Variants in INPP5D observed in about 807,000 individuals in gnomAD.
INPP5D encodes the protein inositol polyphosphate-5-phosphatase D, also known as phosphatidylinositol 3,4,5-trisphosphate 5-phosphatase 1.
Under a neutral mutation model 122.9 loss-of-function variants are expected in INPP5D, and 33 were observed. The observed-to-expected ratio is 0.27, with a 90% CI of 0.20 to 0.36. INPP5D has a LOEUF of 0.36. Among genes scored for constraint, INPP5D ranks in the 10% least tolerant of loss-of-function variants. The pLI, the probability that INPP5D is intolerant of heterozygous loss-of-function variation, is 1.00. For synonymous variants in INPP5D, 584 were observed against 576.2 expected (o/e 1.01, Z -0.19); for missense variants, 1,053 against 1,412.7 (o/e 0.75, Z 4.08).
intron 18 of INPP5D, among the ~76,000 whole-genome samples, chr2:233,178,459 A>ATTTATTTATTTAT (rs1694701432): frequency 6.9e-6 from 1 of 145,336 alleles, no homozygotes; most frequent in African/African-American, 2.6e-5. Context: ...GTGGTATTTT[A>ATTTATTTATTTAT]TTATTTATTT....
At chr2:233,131,021 C>A in intron 5 of INPP5D, 1 of 216,578 alleles carries the variant, frequency 4.6e-6, no homozygotes, top group Non-Finnish European at 7.9e-6. Context: ...CACAGAAAGG[C>A]ATCAAAAGGA....
Position 233,177,318 on chromosome 2 carries a change from C to G in INPP5D, c.2043C>G (p.Pro681=), listed in dbSNP as rs1694664062. The G allele has an allele frequency of 1.2e-6, 2 of 1,613,732 alleles. No individual in the cohort carries two copies. The highest frequency in any genetic ancestry group is 1.1e-5 in the South Asian group (1 of 91,088). ...WCDRVLWKSY[P]LVHVVCQSYG... Reference sequence around the variant, plus strand: ...ACCGAGTCCTCTGGAAGTCTTATCCCCTGGTGCACGTGGTGTGTCAGTCTT... The same window carrying G: ...ACCGAGTCCTCTGGAAGTCTTATCCGCTGGTGCACGTGGTGTGTCAGTCTT... The change falls in exon 18 of 27, where the codon CCC becomes CCG. Residue 681 remains proline (P), a synonymous_variant. Coordinates refer to ENST00000445964, the MANE Select transcript of INPP5D (RefSeq NM_001017915.3). The surrounding 1 kb of genome is among the most constrained non-coding windows in gnomAD (Gnocchi z 4.2).
At chr2:233,119,129 A>C (rs543268952) in intron 2 of INPP5D, among the ~76,000 whole-genome samples, 23 of 152,320 alleles carry the variant, frequency 1.5e-4, no homozygotes, top group Non-Finnish European at 2.6e-4. Context: ...GCATAAAATA[A>C]CGTGTCTTAC....
intron 20 of INPP5D, among the ~76,000 whole-genome samples, chr2:233,185,291 C>G (rs1162185384): frequency 6.6e-6 from 1 of 152,024 alleles, no homozygotes; most frequent in Non-Finnish European, 1.5e-5. Flanking sequence ...CCTTCTCCAA[C>G]TGAGGTGGGC....
rs36042957 is a variant in INPP5D at position 233,077,661 on chromosome 2, C to CA, written c.135-1649dup. On this transcript the variant is annotated intron_variant, in intron 1 of 26. Coordinates refer to ENST00000445964, the MANE Select transcript of INPP5D (RefSeq NM_001017915.3). ...GGGCAACAAGAGCAAAACTCTGTCT[C>CA]AAAAAAAAAAAAAAAAAAAAAAAAA... Among the ~76,000 whole-genome samples, 114 of 46,432 alleles carry CA rather than the reference C, an allele frequency of 2.5e-3. 2 individuals are homozygous for CA. Among genetic ancestry groups the CA allele is most frequent in the African/African-American group, 5.1e-3 (61 of 11,882 alleles). 30.5% of individuals were successfully genotyped at this position (46,432 alleles called of 152,430 possible).
At chr2:233,079,546 G>T in intron 2 of INPP5D, 148 bp downstream of exon 2, 1 of 644,738 alleles carries the variant, frequency 1.6e-6, no homozygotes, top group Non-Finnish European at 2.8e-6. Context: ...GTGTCCATGG[G>T]GTGGCTTAGC....
At chr2:233,184,323 C>T (rs1317093639) in intron 19 of INPP5D, 85 bp from the exon 20 acceptor site, 4 of 1,521,002 alleles carry the variant, frequency 2.6e-6, no homozygotes, top group Non-Finnish European at 3.5e-6. Context: ...TGAGAAGGAG[C>T]TCAGTATGTG....
chr2:233,065,474 A>ATT lies in INPP5D; in HGVS notation c.134+4871_134+4872dup, dbSNP rs61637964. On this transcript the variant is annotated intron_variant, in intron 1 of 26. Coordinates refer to ENST00000445964, the MANE Select transcript of INPP5D (RefSeq NM_001017915.3). The stretch of plus-strand genomic sequence containing the variant: ...AGGTGCCTGCCACCACACCGGGCTA[A>ATT]TTTTTTTTTTGTGTTATCCTCAGGT... 4.4e-4 allele frequency among the ~76,000 whole-genome samples: 45 copies of ATT among 103,426 alleles called. 1 individual carries two copies. Among genetic ancestry groups the ATT allele is most frequent in the African/African-American group, 8.8e-4 (25 of 28,420 alleles). The allele number at this position is 103,426 out of a possible 152,430, so 67.9% of individuals were successfully genotyped here. A position where few individuals can be genotyped will look rare whatever the true frequency, so the allele number is the denominator to read the frequency against.
chr2:233,153,459 C>G (rs2106285825), intron 9 of INPP5D, among the ~76,000 whole-genome samples: 2 of 152,166 alleles, frequency 1.3e-5, no homozygotes, highest in South Asian at 4.2e-4. Context: ...AATGGGAGAG[C>G]AACAATATTC....
At chr2:233,200,456 T>G (rs920059586) in intron 25 of INPP5D, among the ~76,000 whole-genome samples, 5 of 152,232 alleles carry the variant, frequency 3.3e-5, no homozygotes, top group African/African-American at 1.2e-4. Flanking sequence ...CCTCTCTTCC[T>G]CTAACACTGG....
chr2:233,175,298 A>C (rs993873558), intron 17 of INPP5D, among the ~76,000 whole-genome samples: 3 of 151,780 alleles, frequency 2.0e-5, no homozygotes, highest in Non-Finnish European at 4.4e-5. Context: ...CCCTATGTCC[A>C]TTAACAGTAG....
In INPP5D at chr2:233,169,426, A is replaced by G. The variant is rs1382216883; in HGVS notation, c.1652+25A>G. On this transcript the variant is annotated intron_variant, in intron 14 of 26. Transcript: ENST00000445964. ...GGTAATGGAACTCCTTCCCCCCAAGAGTGTGCATTTGGGCTGTCTGCCCAG... is the reference window on the plus strand; with the variant it reads ...GGTAATGGAACTCCTTCCCCCCAAGGGTGTGCATTTGGGCTGTCTGCCCAG... The G allele has an allele frequency of 7.0e-6, 11 of 1,569,102 alleles. No individual in the cohort carries two copies. The South Asian group carries it at 1.3e-4, about 18-fold the overall frequency.
At chr2:233,143,746 T>A (rs2106276080) in intron 6 of INPP5D, among the ~76,000 whole-genome samples, 1 of 152,258 alleles carries the variant, frequency 6.6e-6, no homozygotes, top group East Asian at 1.9e-4. Context: ...TGGTGTGGTG[T>A]CTAAGGGTGG....
At chr2:233,116,445 C>T (rs56152518) in intron 2 of INPP5D, among the ~76,000 whole-genome samples, 81 of 151,764 alleles carry the variant, frequency 5.3e-4, no homozygotes, top group Non-Finnish European at 9.1e-4. Context: ...TGCACCACTA[C>T]GTTTGGCTAA....
At chr2:233,111,726 G>C (rs1287996985) in intron 2 of INPP5D, among the ~76,000 whole-genome samples, 1 of 152,184 alleles carries the variant, frequency 6.6e-6, no homozygotes, top group Non-Finnish European at 1.5e-5. Flanking sequence ...GTGGCTGCCA[G>C]GTTACAATAA....
At chr2:233,144,506 ATGGTGG>A (rs1447059342) in intron 6 of INPP5D, among the ~76,000 whole-genome samples, 3 of 85,614 alleles carry the variant, frequency 3.5e-5, no homozygotes, top group Non-Finnish European at 7.2e-5. Flanking sequence ...AGGGGTGGAG[ATGGTGG>A]TGGTGATGGT....
chr2:233,171,164 T>C lies in INPP5D; in HGVS notation c.1989+12T>C. 6.2e-7 allele frequency: 1 copy of C among 1,613,234 alleles called. No individual in the cohort carries two copies. Among genetic ancestry groups the C allele is most frequent in the South Asian group, 1.1e-5 (1 of 90,978 alleles). ...AGAAAGCGACAGGGGTGAGTCCTCTTCATAGACACCTTCCCTGCCCTCCAT... is the reference window on the plus strand; with the variant it reads ...AGAAAGCGACAGGGGTGAGTCCTCTCCATAGACACCTTCCCTGCCCTCCAT... On this transcript the variant is annotated intron_variant, in intron 17 of 26. Coordinates refer to ENST00000445964, the MANE Select transcript of INPP5D (RefSeq NM_001017915.3).
intron 2 of INPP5D, among the ~76,000 whole-genome samples, chr2:233,079,959 C>T (rs1174067536): frequency 5.9e-5 from 9 of 152,172 alleles, no homozygotes; most frequent in African/African-American, 1.7e-4. Context: ...GACAGAGTTT[C>T]ACTCTTGTCA....
chr2:233,160,662 C>T lies in INPP5D; in HGVS notation c.1138-1062C>T, dbSNP rs1326378291. On this transcript the variant is annotated intron_variant, in intron 10 of 26. Transcript: ENST00000445964. This position sits in a 1 kb window ranked among gnomAD's most constrained non-coding sequence, Gnocchi z 4.2. ...TTTCTTTTCTTTTCTGAGACAGGGT[C>T]TTGTTCAGTTGCCCCGGCTGAAGTG... 6.6e-6 allele frequency among the ~76,000 whole-genome samples: 1 copy of T among 152,012 alleles called. No homozygotes were observed. Among genetic ancestry groups the T allele is most frequent in the Non-Finnish European group, 1.5e-5 (1 of 68,010 alleles).
Sources: gnomAD v4.1 joint callset for allele counts (sites outside exome capture counted in the v4.1 genomes callset) on GRCh38, gnomAD v4.1.1 for gene constraint, Gnocchi (gnomAD v3.1) non-coding constraint, MANE v1.5 for transcripts, NCBI Gene and HGNC (gene_info 2026-07-23, HGNC 2026-07-21) for gene names.